PSMC3: variants seen among roughly 807,000 people sequenced by gnomAD.
PSMC3 encodes the protein 26S proteasome regulatory subunit 6A.
PSMC3 carries 11 observed loss-of-function variants against 52.0 expected under a neutral mutation model. The observed-to-expected ratio is 0.21, with a 90% CI of 0.13 to 0.35. The LOEUF is 0.35. PSMC3 is among the 10% of genes least tolerant of loss of function. The pLI is 1.00. For synonymous variants in PSMC3, 201 were observed against 218.8 expected (o/e 0.92, Z 0.72); for missense variants, 238 against 567.1 (o/e 0.42, Z 5.89).
chr11:47,426,177 C>A lies in PSMC3; in HGVS notation c.75+28G>T, dbSNP rs750364716. On this transcript the variant is annotated intron_variant, in intron 1 of 11. Coordinates refer to ENST00000298852, the MANE Select transcript of PSMC3 (RefSeq NM_002804.5). ...GGCGTCTCCCTGCGGGCCCCGGTTC[C>A]CGGACCGCCAGCTCGCCCGGTGCCC... The A allele has an allele frequency of 2.6e-6, 4 of 1,551,180 alleles. No homozygotes were observed. In the East Asian group the frequency reaches 9.7e-5, roughly 38 times the overall value.
At chr11:47,426,031 C>T (rs1170497186) in intron 1 of PSMC3, 81 bp from the exon 2 acceptor site, 2 of 1,454,670 alleles carry the variant, frequency 1.4e-6, no homozygotes, top group Non-Finnish European at 1.9e-6. Context: ...CACTCACAGC[C>T]TCAGTTTCCA....
At chr11:47,426,068 G>A in intron 1 of PSMC3, 118 bp from the exon 2 acceptor site, 1 of 1,399,850 alleles carries the variant, frequency 7.1e-7, no homozygotes, top group Non-Finnish European at 9.9e-7. Flanking sequence ...ATGGAGTCAG[G>A]ACCCCTGCCC....
At chr11:47,423,743 C>T (rs993468364) in intron 6 of PSMC3, among the ~76,000 whole-genome samples, 1 of 151,218 alleles carries the variant, frequency 6.6e-6, no homozygotes, top group East Asian at 1.9e-4. Context: ...GAGCCGAGAT[C>T]GTGCCATTGC....
Position 47,422,295 on chromosome 11 carries a change from G to C in PSMC3, c.884+279C>G, listed in dbSNP as rs1336131838. On this transcript the variant is annotated intron_variant, in intron 8 of 11. Transcript: ENST00000298852. This position sits in a 1 kb window ranked among gnomAD's most constrained non-coding sequence, Gnocchi z 4.3. ...CTGACCTCGTGATCCGCCTGCCTCG[G>C]CCTCCCAAAGTGCTGGGATTACAGG... 6.6e-6 allele frequency among the ~76,000 whole-genome samples: 1 copy of C among 152,136 alleles called. No homozygotes were observed. Among genetic ancestry groups the C allele is most frequent in the East Asian group, 1.9e-4 (1 of 5,198 alleles).
rs577669849 is a variant in PSMC3 at position 47,420,614 on chromosome 11, G to A, written c.981+17C>T. The stretch of plus-strand genomic sequence containing the variant: ...CTCTGAGCCTCATCATCTTTGCCTG[G>A]GAGTGCTAATACTCACCTTAACTTG... On this transcript the variant is annotated intron_variant, in intron 9 of 11. Coordinates refer to ENST00000298852, the MANE Select transcript of PSMC3 (RefSeq NM_002804.5). 1.9e-6 allele frequency: 3 copies of A among 1,549,118 alleles called. No individual in the cohort carries two copies. The highest frequency in any genetic ancestry group is 4.9e-5 in the East Asian group (2 of 40,958).
intron 1 of PSMC3, 72 bp downstream of exon 1, chr11:47,426,133 C>G: frequency 1.3e-6 from 2 of 1,495,080 alleles, no homozygotes; most frequent in Non-Finnish European, 1.8e-6. Context: ...CCCCAGCCAC[C>G]TCCTTCCCTC....
chr11:47,426,413 C>T lies in PSMC3; in HGVS notation c.-134G>A, dbSNP rs943576602. 2 of 739,894 alleles carry T rather than the reference C, an allele frequency of 2.7e-6. No individual in the cohort carries two copies. The highest frequency in any genetic ancestry group is 4.1e-6 in the Non-Finnish European group (2 of 484,932). 45.8% of individuals were successfully genotyped at this position (739,894 alleles called of 1,614,324 possible). A position where few individuals can be genotyped will look rare whatever the true frequency, so the allele number is the denominator to read the frequency against. ...ATCCCGACTCTTGACCCGACCAGCTCCGGCCGTGCTGCGGAGCAGCGAATC... is the reference window on the plus strand; with the variant it reads ...ATCCCGACTCTTGACCCGACCAGCTTCGGCCGTGCTGCGGAGCAGCGAATC... On this transcript the variant is annotated 5_prime_UTR_variant, in exon 1 of 12. Transcript: ENST00000298852.
intron 8 of PSMC3, 51 bp from the exon 9 acceptor site, chr11:47,420,778 C>G: frequency 6.7e-7 from 1 of 1,490,318 alleles, no homozygotes; most frequent in South Asian, 1.2e-5. Flanking sequence ...TTAGGCAGAG[C>G]CCTCCCCTCC....
intron 10 of PSMC3, among the ~76,000 whole-genome samples, chr11:47,419,676 G>A (rs1203772850): frequency 1.3e-5 from 2 of 152,124 alleles, no homozygotes; most frequent in Non-Finnish European, 2.9e-5. Flanking sequence ...TGGCTAACAA[G>A]GTGAAACCTC....
chr11:47,423,196 G>A (rs967512661), intron 6 of PSMC3, among the ~76,000 whole-genome samples: 1 of 151,416 alleles, frequency 6.6e-6, no homozygotes, highest in African/African-American at 2.4e-5. Flanking sequence ...TCAGGAGATC[G>A]AGACCATCCT....
Position 47,423,917 on chromosome 11 carries a change from A to G in PSMC3, c.591+129T>C, listed in dbSNP as rs1298528460. The G allele has an allele frequency of 7.1e-5, 94 of 1,325,456 alleles. 1 individual carries two copies. In the East Asian group the frequency reaches 2.1e-3, roughly 29 times the overall value. 82.1% of individuals were successfully genotyped at this position (1,325,456 alleles called of 1,614,324 possible). On this transcript the variant is annotated intron_variant, in intron 6 of 11. Coordinates refer to ENST00000298852, the MANE Select transcript of PSMC3 (RefSeq NM_002804.5). ...GGGCTTCAGTCTCCTCACCTGTCAC[A>G]TGGCACCCCTCCCTTCCTCCCTAGG...
At position 47,422,270 on chromosome 11, in the gene PSMC3, C is replaced by T. The variant is rs1482307325; in HGVS notation, c.884+304G>A. Among the ~76,000 whole-genome samples, 1 of 152,108 alleles carries T rather than the reference C, an allele frequency of 6.6e-6. No homozygotes were observed. Among genetic ancestry groups the T allele is most frequent in the East Asian group, 1.9e-4 (1 of 5,184 alleles). On this transcript the variant is annotated intron_variant, in intron 8 of 11. Transcript: ENST00000298852. The surrounding 1 kb of genome is among the most constrained non-coding windows in gnomAD (Gnocchi z 4.3). ...TGTTAGCCAGGATGGTCTCGATCTC[C>T]TGACCTCGTGATCCGCCTGCCTCGG...
intron 8 of PSMC3, among the ~76,000 whole-genome samples, chr11:47,420,959 G>T (rs2096039759): frequency 6.6e-6 from 1 of 152,144 alleles, no homozygotes; most frequent in African/African-American, 2.4e-5. Flanking sequence ...AAAACAGTGA[G>T]CAAGGCTGGG....
In PSMC3 at chr11:47,424,600, C is replaced by T. The variant is rs753627957; in HGVS notation, c.390+7G>A. 36 of 1,611,402 alleles carry T rather than the reference C, an allele frequency of 2.2e-5. No homozygotes were observed. The highest frequency in any genetic ancestry group is 1.1e-4 in the South Asian group (10 of 91,018). Reference sequence around the variant, plus strand: ...CCTCCAGTCTCTCATTGCTGAGCCACGCTCACCTGTCGTGTAGAGGTTTTG... The same window carrying T: ...CCTCCAGTCTCTCATTGCTGAGCCATGCTCACCTGTCGTGTAGAGGTTTTG... On this transcript the variant is annotated splice_region_variant and intron_variant, in intron 4 of 11. Coordinates refer to ENST00000298852, the MANE Select transcript of PSMC3 (RefSeq NM_002804.5). The surrounding 1 kb of genome is among the most constrained non-coding windows in gnomAD (Gnocchi z 4.8).
chr11:47,418,937 G>A lies in PSMC3; in HGVS notation c.1218C>T (p.Ile406=), dbSNP rs761711045. 3.7e-6 allele frequency: 6 copies of A among 1,614,096 alleles called. No homozygotes were observed. Among genetic ancestry groups the A allele is most frequent in the South Asian group, 3.3e-5 (3 of 91,070 alleles). ...CKAVCVEAGM[I]ALRRGATELT... is the part of the protein sequence containing the mutation. Reference sequence around the variant, plus strand: ...GCTCCGTGGCACCCCTGCGCAGTGCGATCATGCCCTACAGCCGGGACAAAC... The same window carrying A: ...GCTCCGTGGCACCCCTGCGCAGTGCAATCATGCCCTACAGCCGGGACAAAC... Residue 406 remains isoleucine, a synonymous_variant, in exon 12 of 12, where the codon ATC becomes ATT. Transcript: ENST00000298852.
intron 8 of PSMC3, among the ~76,000 whole-genome samples, 171 bp from the exon 9 acceptor site, chr11:47,420,898 C>G (rs1023771568): frequency 6.6e-6 from 1 of 152,190 alleles, no homozygotes; most frequent in African/African-American, 2.4e-5. Flanking sequence ...TAATTGTTGA[C>G]CACATTCAGA....
rs376657633 is a variant in PSMC3, at chr11:47,424,539, G to T, written c.391-48C>A. On this transcript the variant is annotated intron_variant, in intron 4 of 11. Transcript: ENST00000298852. The surrounding 1 kb of genome is among the most constrained non-coding windows in gnomAD (Gnocchi z 4.8). Reference sequence around the variant, plus strand: ...GTCTCAGTTAGTGTCCTCAGGGAAGGCTCCCTAGTCCTGTCCCACATCCGC... The same window carrying T: ...GTCTCAGTTAGTGTCCTCAGGGAAGTCTCCCTAGTCCTGTCCCACATCCGC... The T allele has an allele frequency of 2.5e-6, 4 of 1,608,110 alleles. No individual in the cohort carries two copies. The highest frequency in any genetic ancestry group is 3.4e-6 in the Non-Finnish European group (4 of 1,174,546).
At position 47,422,005 on chromosome 11, in the gene PSMC3, C is replaced by T. The variant is rs972980291; in HGVS notation, c.884+569G>A. Among the ~76,000 whole-genome samples the T allele has an allele frequency of 2.0e-5, 3 of 150,848 alleles. No individual in the cohort carries two copies. The highest frequency in any genetic ancestry group is 4.4e-5 in the Non-Finnish European group (3 of 67,804). ...AGGGACCACTGTGGGTTCATGTGAG[C>T]GAGGTGGCCAGATTCCTGCTTTGGC... On this transcript the variant is annotated intron_variant, in intron 8 of 11. Transcript: ENST00000298852. This position sits in a 1 kb window ranked among gnomAD's most constrained non-coding sequence, Gnocchi z 4.3.
intron 8 of PSMC3, among the ~76,000 whole-genome samples, chr11:47,421,845 T>C (rs1020783727): frequency 3.3e-5 from 5 of 151,698 alleles, no homozygotes; most frequent in Admixed American, 6.6e-5. Context: ...TAGAGATGTG[T>C]TTCACCATGT....
Sources: allele counts gnomAD v4.1 joint callset (sites outside exome capture counted in the v4.1 genomes callset), GRCh38; gene constraint gnomAD v4.1.1; non-coding constraint Gnocchi (gnomAD v3.1); transcripts MANE v1.5; gene names NCBI Gene and HGNC (gene_info 2026-07-23, HGNC 2026-07-21).